The following COL28A1 variants were observed in gnomAD, a reference collection of about 807,000 sequenced individuals.
COL28A1 encodes collagen alpha-1(XXVIII) chain.
In COL28A1, 161 loss-of-function variants were observed where a neutral mutation model predicts 150.2. That is an observed-to-expected ratio of 1.07 (90% CI 0.94 to 1.22). The LOEUF (loss-of-function observed/expected upper bound fraction) is 1.22, where lower values mean the gene tolerates loss of function less well. Ranked by LOEUF, COL28A1 falls within the 50% of genes most tolerant of loss-of-function variation. The pLI is 0.00. For missense variants in COL28A1, 1,617 were observed against 1,388.3 expected (o/e 1.16, Z -2.62); for synonymous variants, 552 against 469.7 (o/e 1.18, Z -2.26).
chr7:7,385,289 G>A (rs769633661), intron 27 of COL28A1, among the ~76,000 whole-genome samples: 22 of 152,254 alleles, frequency 1.4e-4, no homozygotes, highest in South Asian at 6.2e-4. Flanking sequence ...AGGGAGATGC[G>A]TCAGACCGCT....
intron 33 of COL28A1, among the ~76,000 whole-genome samples, chr7:7,365,472 T>A (rs1780887729): frequency 6.6e-6 from 1 of 152,026 alleles, no homozygotes; most frequent in African/African-American, 2.4e-5. Flanking sequence ...TTATCACCAT[T>A]CTCTTTCAGC....
At chr7:7,478,615 T>C (rs1441863025) in intron 13 of COL28A1, among the ~76,000 whole-genome samples, 3 of 152,220 alleles carry the variant, frequency 2.0e-5, no homozygotes, top group African/African-American at 7.2e-5. Flanking sequence ...TTGGGGAGGC[T>C]CAGGCCACAC....
At chr7:7,375,156 G>A (rs1021605408) in intron 31 of COL28A1, among the ~76,000 whole-genome samples, 2 of 152,196 alleles carry the variant, frequency 1.3e-5, no homozygotes, top group African/African-American at 2.4e-5. Context: ...TTTCGTCTCA[G>A]CTCAGGTAAA....
rs1009853290 is a variant in COL28A1, at chr7:7,477,758, C to T, written c.1165-578G>A. On this transcript the variant is annotated intron_variant, in intron 13 of 34. Coordinates refer to ENST00000399429, the MANE Select transcript of COL28A1 (RefSeq NM_001037763.3). ...TACAGCAAACAGCAAAAGAACAAAG[C>T]TTCCACGGTATGGAAACGGACCCCA... Among the ~76,000 whole-genome samples the T allele has an allele frequency of 6.6e-5, 10 of 152,300 alleles. 1 individual carries two copies. In the South Asian group the frequency reaches 1.7e-3, roughly 25 times the overall value.
intron 9 of COL28A1, among the ~76,000 whole-genome samples, chr7:7,508,059 T>C (rs911917551): frequency 8.6e-5 from 13 of 151,996 alleles, no homozygotes; most frequent in South Asian, 2.1e-4. Flanking sequence ...AGTGAAACCC[T>C]GTCTCTACTA....
chr7:7,460,931 C>A (rs145725930), intron 15 of COL28A1, among the ~76,000 whole-genome samples: 15 of 152,104 alleles, frequency 9.9e-5, no homozygotes, highest in Non-Finnish European at 2.1e-4. Flanking sequence ...AGCTCCCACT[C>A]GGATGGAAAG....
intron 11 of COL28A1, among the ~76,000 whole-genome samples, chr7:7,500,810 A>G (rs1224464141): frequency 3.3e-5 from 5 of 152,152 alleles, no homozygotes; most frequent in Non-Finnish European, 7.3e-5. Flanking sequence ...TTTGCTTGGG[A>G]ACCTCAGAAA....
intron 27 of COL28A1, among the ~76,000 whole-genome samples, chr7:7,400,972 TTGGG>T (rs1554264672): frequency 2.7e-5 from 2 of 74,000 alleles, no homozygotes; most frequent in Non-Finnish European, 5.6e-5. Context: ...GTGTGGGTAT[TTGGG>T]TGTGTGTGTG....
intron 27 of COL28A1, among the ~76,000 whole-genome samples, chr7:7,385,195 T>C (rs116844359): frequency 2.1e-3 from 314 of 152,362 alleles, no homozygotes; most frequent in Non-Finnish European, 2.6e-3. Flanking sequence ...CACTTTGGTA[T>C]AAATTTGTTT....
At chr7:7,466,179 C>A (rs1327915990) in intron 15 of COL28A1, among the ~76,000 whole-genome samples, 1 of 117,730 alleles carries the variant, frequency 8.5e-6, no homozygotes, top group African/African-American at 3.3e-5. Flanking sequence ...GACATTCAAA[C>A]CAAAGGCAAA....
chr7:7,399,783 G>A (rs985199576), intron 27 of COL28A1, among the ~76,000 whole-genome samples: 1 of 152,188 alleles, frequency 6.6e-6, no homozygotes, highest in African/African-American at 2.4e-5. Context: ...AAAATTCTGC[G>A]GCACTGTCAT....
At chr7:7,460,964 T>C (rs1787569091) in intron 15 of COL28A1, among the ~76,000 whole-genome samples, 1 of 152,132 alleles carries the variant, frequency 6.6e-6, no homozygotes. Flanking sequence ...AGGCTAGCAC[T>C]GTGAACCTTT....
chr7:7,383,250 T>TTGTG lies in COL28A1; in HGVS notation c.2137-1642_2137-1639dup, dbSNP rs368714766. ...TTCAAAATAATACATCTTTTTTTTG[T>TTGTG]TGTGTGTGTGTGTGTGTGTGTGTGT... On this transcript the variant is annotated intron_variant, in intron 27 of 34. Coordinates refer to ENST00000399429, the MANE Select transcript of COL28A1 (RefSeq NM_001037763.3). Among the ~76,000 whole-genome samples the TTGTG allele has an allele frequency of 6.9e-4, 74 of 107,208 alleles. 1 individual carries two copies. Among genetic ancestry groups the TTGTG allele is most frequent in the Non-Finnish European group, 8.3e-4 (42 of 50,638 alleles). The allele number at this position is 107,208 out of a possible 152,430, so 70.3% of individuals were successfully genotyped here. A position where few individuals can be genotyped will look rare whatever the true frequency, so the allele number is the denominator to read the frequency against.
intron 13 of COL28A1, 69 bp downstream of exon 13, chr7:7,489,320 C>T (rs6463696): frequency 0.98 from 830,059 of 849,748 alleles, 405,544 homozygotes; most frequent in East Asian, 1. Flanking sequence ...GACCATTTAT[C>T]CTAAACAGAA....
In COL28A1 at chr7:7,381,609, C is replaced by A; in HGVS notation, c.2140G>T (p.Glu714Ter). 6.2e-7 allele frequency: 1 copy of A among 1,612,352 alleles called. No homozygotes were observed. The highest frequency in any genetic ancestry group is 1.1e-5 in the South Asian group (1 of 91,054). Residue 714 changes from glutamate (E) to a stop codon, truncating the protein, a stop_gained, in exon 28 of 35, where the codon GAA (glutamate) becomes TAA (stop). Transcript: ENST00000399429. LOFTEE classifies it high-confidence loss of function. ...CCTGGGAAGCCTTGTGGTCCTTGTT[C>A]CCCCTACATAGGATATGAGAAAGAG... is the stretch of plus-strand genomic sequence containing the variant. Reference protein sequence around the residue: ...PGYGSQGIKGEQGPQGFPGPK... With the variant: ...PGYGSQGIKG
intron 11 of COL28A1, among the ~76,000 whole-genome samples, chr7:7,502,506 C>T (rs6463698): frequency 0.37 from 55,877 of 151,908 alleles, 13,256 homozygotes; most frequent in African/African-American, 0.68. Context: ...AGAAAGTGAG[C>T]GTAATTCAAG....
At chr7:7,362,207 A>C (rs1375394187) in intron 33 of COL28A1, among the ~76,000 whole-genome samples, 2 of 152,016 alleles carry the variant, frequency 1.3e-5, no homozygotes, top group Non-Finnish European at 2.9e-5. Context: ...GTCATTCTTG[A>C]CAATTACCAG....
chr7:7,455,016 A>T (rs1301521368), intron 16 of COL28A1, among the ~76,000 whole-genome samples: 2 of 152,206 alleles, frequency 1.3e-5, no homozygotes. Context: ...CTAGCAAGAA[A>T]AGTAATAATA....
intron 15 of COL28A1, among the ~76,000 whole-genome samples, chr7:7,474,011 G>A (rs945083115): frequency 2.0e-5 from 3 of 146,726 alleles, no homozygotes; most frequent in African/African-American, 7.5e-5. Flanking sequence ...ATATTATAGT[G>A]TGTTTTTATA....
Sources: gnomAD v4.1 joint callset for allele counts (sites outside exome capture counted in the v4.1 genomes callset) on GRCh38, gnomAD v4.1.1 for gene constraint, MANE v1.5 for transcripts, NCBI Gene and HGNC (gene_info 2026-07-23, HGNC 2026-07-21) for gene names.